Variants in BMAL1 observed in about 807,000 individuals in gnomAD.
BMAL1 encodes basic helix-loop-helix ARNT like 1.
chr11:13,308,471 T>C, the BMAL1 span, among the ~76,000 whole-genome samples: 4 of 151,806 alleles, frequency 2.6e-5, no homozygotes, highest in Non-Finnish European at 4.4e-5. Flanking sequence ...AGAGAAGAGA[T>C]GAAAACAAGG....
the BMAL1 span, among the ~76,000 whole-genome samples, chr11:13,345,803 A>G: frequency 6.6e-6 from 1 of 152,162 alleles, no homozygotes; most frequent in East Asian, 1.9e-4. Context: ...TTGTAAATGC[A>G]TTGTTTCCTG....
At chr11:13,375,857 C>A in the BMAL1 span, 1 of 1,234,308 alleles carries the variant, frequency 8.1e-7, no homozygotes, top group Non-Finnish European at 1.1e-6. Context: ...CATCCAGTAT[C>A]ACATCCTTTA....
At chr11:13,294,642 T>C in the BMAL1 span, among the ~76,000 whole-genome samples, 1 of 152,246 alleles carries the variant, frequency 6.6e-6, no homozygotes, top group Admixed American at 6.5e-5. Context: ...TATAATGTGT[T>C]AGGAAAGATG....
At chr11:13,293,059 T>C in the BMAL1 span, among the ~76,000 whole-genome samples, 1 of 152,082 alleles carries the variant, frequency 6.6e-6, no homozygotes, top group Non-Finnish European at 1.5e-5. Flanking sequence ...ATGGAAGGGA[T>C]AAGTAGAGTT....
At chr11:13,332,527 A>C in the BMAL1 span, among the ~76,000 whole-genome samples, 1 of 152,214 alleles carries the variant, frequency 6.6e-6, no homozygotes, top group Non-Finnish European at 1.5e-5. Context: ...TTATAATTTC[A>C]GTACAAGCTA....
the BMAL1 span, among the ~76,000 whole-genome samples, chr11:13,347,811 T>C: frequency 6.6e-6 from 1 of 152,126 alleles, no homozygotes; most frequent in Non-Finnish European, 1.5e-5. Context: ...GATCATGCCA[T>C]TGCACTCCAG....
the BMAL1 span, chr11:13,376,764 G>A: frequency 5.7e-5 from 91 of 1,590,986 alleles, no homozygotes; most frequent in Non-Finnish European, 7.1e-5. Flanking sequence ...GGGCTTGCCC[G>A]TGGGAAGGTG....
chr11:13,280,335 A>G, the BMAL1 span, among the ~76,000 whole-genome samples: 1 of 152,256 alleles, frequency 6.6e-6, no homozygotes, highest in African/African-American at 2.4e-5. Context: ...ATCCCTTCAC[A>G]CCAACAATCT....
At chr11:13,283,033 G>C in the BMAL1 span, among the ~76,000 whole-genome samples, 2 of 152,222 alleles carry the variant, frequency 1.3e-5, no homozygotes, top group African/African-American at 4.8e-5. Context: ...ACCTCAGGGG[G>C]AGATAAGATT....
At chr11:13,375,779 T>C in the BMAL1 span, 12 of 1,530,664 alleles carry the variant, frequency 7.8e-6, no homozygotes, top group Non-Finnish European at 1.0e-5. Context: ...ACTTTTCCTA[T>C]ATCTGAAGCT....
At chr11:13,385,704 A>G in the BMAL1 span, 13 of 1,612,364 alleles carry the variant, frequency 8.1e-6, no homozygotes, top group Non-Finnish European at 1.1e-5. Flanking sequence ...AAATGGAGGG[A>G]CTCCAGACAT....
At chr11:13,312,101 A>G in the BMAL1 span, among the ~76,000 whole-genome samples, 1 of 152,242 alleles carries the variant, frequency 6.6e-6, no homozygotes, top group African/African-American at 2.4e-5. Context: ...TAACAAAAGC[A>G]ACAGTTGTAA....
At chr11:13,303,289 C>A in the BMAL1 span, among the ~76,000 whole-genome samples, 34 of 152,204 alleles carry the variant, frequency 2.2e-4, no homozygotes, top group African/African-American at 1.7e-4. Flanking sequence ...CTGTTGTAGA[C>A]CCAGGGTGTA....
At chr11:13,374,143 G>A in the BMAL1 span, 31 of 1,613,780 alleles carry the variant, frequency 1.9e-5, no homozygotes, top group East Asian at 2.2e-4. Context: ...TAGGCACATC[G>A]TGTTATGAAT....
the BMAL1 span, among the ~76,000 whole-genome samples, chr11:13,290,724 G>C: frequency 1.3e-5 from 2 of 152,142 alleles, no homozygotes; most frequent in Non-Finnish European, 2.9e-5. Context: ...TCTAGTTAGA[G>C]AGACTGAAAC....
the BMAL1 span, among the ~76,000 whole-genome samples, chr11:13,342,084 C>T: frequency 6.6e-6 from 1 of 152,238 alleles, no homozygotes; most frequent in Admixed American, 6.5e-5. Flanking sequence ...TGGGGAGAGG[C>T]AGCACCTGGG....
the BMAL1 span, among the ~76,000 whole-genome samples, chr11:13,284,245 T>C: frequency 2.9e-4 from 7 of 23,982 alleles, no homozygotes; most frequent in Admixed American, 8.3e-4. Context: ...TATATATATA[T>C]ATATATATAT....
chr11:13,357,742 C>G, the BMAL1 span, among the ~76,000 whole-genome samples: 5 of 152,196 alleles, frequency 3.3e-5, no homozygotes, highest in African/African-American at 1.2e-4. The surrounding 1 kb of genome is among the most constrained non-coding windows in gnomAD (Gnocchi z 4.8). Context: ...TCTGTATCTG[C>G]GGCAGCTGCA....
chr11:13,326,431 T>A, the BMAL1 span: 1 of 152,270 alleles, frequency 6.6e-6, no homozygotes, highest in Admixed American at 6.5e-5. Context: ...GTCATAGGAA[T>A]CTACGCTAGA....
Sources: gnomAD v4.1 joint callset for allele counts (sites outside exome capture counted in the v4.1 genomes callset) on GRCh38, gnomAD v4.1.1 for gene constraint, Gnocchi (gnomAD v3.1) non-coding constraint, MANE v1.5 for transcripts, NCBI Gene and HGNC (gene_info 2026-07-23, HGNC 2026-07-21) for gene names.